PRKACB: variants seen among roughly 807,000 people sequenced by gnomAD.
The protein encoded by PRKACB is protein kinase cAMP-activated catalytic subunit beta, also known as cAMP-dependent protein kinase catalytic subunit beta.
A neutral mutation model predicts 51.4 loss-of-function variants in PRKACB; 16 were observed. The ratio of observed to expected loss-of-function variants is 0.31; its 90% CI spans 0.21 to 0.47. The LOEUF (loss-of-function observed/expected upper bound fraction) is 0.47. PRKACB is among the 20% of genes least tolerant of loss of function. The probability of loss-of-function intolerance (pLI) is 1.00; values close to 1 mark genes in which losing one functional copy is unlikely to be tolerated. For missense variants in PRKACB, 309 were observed against 464.5 expected (o/e 0.67, Z 3.08); for synonymous variants, 147 against 154.4 (o/e 0.95, Z 0.35).
At chr1:84,081,951 TAATC>T (rs1468711664) in intron 1 of PRKACB, among the ~76,000 whole-genome samples, 1 of 152,216 alleles carries the variant, frequency 6.6e-6, no homozygotes, top group African/African-American at 2.4e-5. Context: ...CAGTAGGAAT[TAATC>T]AAAGAAAGCC....
intron 1 of PRKACB, among the ~76,000 whole-genome samples, chr1:84,092,366 C>T (rs1308014091): frequency 6.6e-6 from 1 of 152,128 alleles, no homozygotes; most frequent in Non-Finnish European, 1.5e-5. Flanking sequence ...TTAATTTTCA[C>T]AGATATATAT....
intron 1 of PRKACB, among the ~76,000 whole-genome samples, chr1:84,111,065 C>T (rs1489145056): frequency 6.6e-6 from 1 of 151,954 alleles, no homozygotes; most frequent in Non-Finnish European, 1.5e-5. Flanking sequence ...CCTTCAATTT[C>T]CCTAGTCGAT....
intron 1 of PRKACB, among the ~76,000 whole-genome samples, chr1:84,158,365 G>T (rs1655779673): frequency 6.6e-6 from 1 of 152,106 alleles, no homozygotes; most frequent in Non-Finnish European, 1.5e-5. Context: ...TGGCCATTAT[G>T]TGAGTGTGAA....
At chr1:84,222,769 G>T (rs577331248) in intron 9 of PRKACB, among the ~76,000 whole-genome samples, 33 of 152,210 alleles carry the variant, frequency 2.2e-4, no homozygotes, top group African/African-American at 7.9e-4. Context: ...AAGGTTTCTT[G>T]GTTAGTCTAG....
At chr1:84,101,782 T>C (rs1169592982) in intron 1 of PRKACB, among the ~76,000 whole-genome samples, 4 of 152,112 alleles carry the variant, frequency 2.6e-5, no homozygotes, top group Non-Finnish European at 5.9e-5. Context: ...AAAGCCACTT[T>C]CCTAGTGCCA....
chr1:84,208,000 T>A (rs1053235765), intron 8 of PRKACB, among the ~76,000 whole-genome samples: 1 of 152,202 alleles, frequency 6.6e-6, no homozygotes, highest in African/African-American at 2.4e-5. Flanking sequence ...CCTGAGTAGC[T>A]GGGACTACAG....
intron 1 of PRKACB, among the ~76,000 whole-genome samples, chr1:84,158,321 GC>G (rs1436230062): frequency 6.6e-6 from 1 of 152,120 alleles, no homozygotes; most frequent in Non-Finnish European, 1.5e-5. Context: ...ACAGGCATGA[GC>G]CACTGCACCC....
chr1:84,175,243 G>A (rs988888410), intron 1 of PRKACB, among the ~76,000 whole-genome samples: 1 of 151,544 alleles, frequency 6.6e-6, no homozygotes, highest in Non-Finnish European at 1.5e-5. Flanking sequence ...GATTTATATT[G>A]TAATTTCTTG....
intron 1 of PRKACB, among the ~76,000 whole-genome samples, chr1:84,153,744 T>C (rs1424770653): frequency 6.6e-6 from 1 of 152,162 alleles, no homozygotes; most frequent in African/African-American, 2.4e-5. Flanking sequence ...ATGAAAGAAT[T>C]TCCTTCTTTC....
intron 1 of PRKACB, 103 bp from the exon 2 acceptor site, chr1:84,179,074 C>A: frequency 7.9e-7 from 1 of 1,264,546 alleles, no homozygotes; most frequent in South Asian, 1.5e-5. Flanking sequence ...CAATAGATGA[C>A]ATGTCTTTTT....
At chr1:84,216,516 C>T (rs1024812658) in intron 9 of PRKACB, among the ~76,000 whole-genome samples, 1 of 152,004 alleles carries the variant, frequency 6.6e-6, no homozygotes, top group South Asian at 2.1e-4. Context: ...GCATTATTAT[C>T]GCAAATAGAT....
At chr1:84,144,176 T>C (rs1653718789), upstream of PRKACB, 2 of 1,197,326 alleles carry the variant, frequency 1.7e-6, no homozygotes. Flanking sequence ...CTGAAAAGTG[T>C]TTTGCTAAGA....
At chr1:84,151,167 G>A (rs1654820614) in intron 1 of PRKACB, among the ~76,000 whole-genome samples, 1 of 152,068 alleles carries the variant, frequency 6.6e-6, no homozygotes, top group Non-Finnish European at 1.5e-5. Flanking sequence ...TACAACTAAA[G>A]TCACAGTAAA....
rs1228302444 is a variant in PRKACB at position 84,165,795 on chromosome 1, T to G, written c.188-13382T>G. 2.0e-5 allele frequency among the ~76,000 whole-genome samples: 3 copies of G among 151,848 alleles called. No homozygotes were observed. In the East Asian group the frequency reaches 5.8e-4, roughly 29 times the overall value. ...ATCCTGTTGTTAGAGTGAAAAACAT[T>G]TGCTTAGAGCATAATTCATTAGCAT... On this transcript the variant is annotated intron_variant, in intron 1 of 9. Transcript: ENST00000370685.
At chr1:84,110,208 C>T (rs1650107951) in intron 1 of PRKACB, among the ~76,000 whole-genome samples, 3 of 151,578 alleles carry the variant, frequency 2.0e-5, no homozygotes, top group African/African-American at 7.3e-5. Flanking sequence ...TAAAAGATAA[C>T]AATACAACAA....
intron 1 of PRKACB, among the ~76,000 whole-genome samples, chr1:84,110,818 C>T (rs908450724): frequency 3.3e-5 from 5 of 151,950 alleles, no homozygotes; most frequent in African/African-American, 9.7e-5. Flanking sequence ...GGGAAATTAT[C>T]GTTTCCTGAA....
At chr1:84,176,536 T>C (rs192144063) in intron 1 of PRKACB, among the ~76,000 whole-genome samples, 1 of 151,978 alleles carries the variant, frequency 6.6e-6, no homozygotes, top group Non-Finnish European at 1.5e-5. Context: ...CAAATAATTA[T>C]GTTTATCTTT....
At chr1:84,091,084 A>G (rs1648432476) in intron 1 of PRKACB, among the ~76,000 whole-genome samples, 1 of 152,074 alleles carries the variant, frequency 6.6e-6, no homozygotes, top group African/African-American at 2.4e-5. Context: ...CTCATCGCTC[A>G]CCTACTAAAG....
intron 8 of PRKACB, chr1:84,204,977 T>C (rs1671106388): frequency 4.9e-5 from 48 of 981,894 alleles, no homozygotes; most frequent in Non-Finnish European, 5.7e-5. Flanking sequence ...AATCAGCATA[T>C]ATTCTAAAAT....
Sources: gnomAD v4.1 joint callset for allele counts (sites outside exome capture counted in the v4.1 genomes callset) on GRCh38, gnomAD v4.1.1 for gene constraint, MANE v1.5 for transcripts, NCBI Gene and HGNC (gene_info 2026-07-23, HGNC 2026-07-21) for gene names.